The following GPSM2 variants were observed in gnomAD, a reference collection of about 807,000 sequenced individuals.
GPSM2 encodes the protein G protein-signaling modulator 2.
Under a neutral mutation model 78.4 loss-of-function variants are expected in GPSM2, and 58 were observed. The ratio of observed to expected loss-of-function variants is 0.74; its 90% CI spans 0.60 to 0.92. GPSM2 has a LOEUF of 0.92. GPSM2 is among the 40% of genes least tolerant of loss of function. GPSM2 has a pLI of 0.00. For missense variants in GPSM2, 700 were observed against 815.5 expected, an observed-to-expected ratio of 0.86 and a Z score of 1.73; for synonymous variants, 224 against 280.2, an observed-to-expected ratio of 0.80 and a Z score of 2.00.
At chr1:108,908,142 C>T (rs973118913) in intron 10 of GPSM2, among the ~76,000 whole-genome samples, 2 of 152,146 alleles carry the variant, frequency 1.3e-5, no homozygotes, top group Non-Finnish European at 2.9e-5. Flanking sequence ...GAGGCCAAGG[C>T]GAGCGGATCA....
Position 108,922,494 on chromosome 1 carries a change from T to C in GPSM2, c.1518T>C (p.Asp506=). Residue 506 remains aspartate (D), a synonymous_variant, in exon 13 of 15, where the codon GAT becomes GAC. Transcript: ENST00000264126. ...GATTTCAAAGCAATAGGATGGATGA[T>C]CAGAGATGTTGCTTACAAGAAAAGA... ...LSRFQSNRMD[D]QRCCLQEKNC... The C allele has an allele frequency of 6.2e-7, 1 of 1,612,058 alleles. No homozygotes were observed. Among genetic ancestry groups the C allele is most frequent in the Non-Finnish European group, 8.5e-7 (1 of 1,178,200 alleles).
At chr1:108,913,879 G>A (rs552385802) in intron 10 of GPSM2, among the ~76,000 whole-genome samples, 12 of 152,244 alleles carry the variant, frequency 7.9e-5, no homozygotes, top group African/African-American at 2.6e-4. Context: ...CATCTAATGA[G>A]ATCTTAAAAT....
chr1:108,897,029 T>C lies in GPSM2; in HGVS notation c.222T>C (p.Tyr74=), dbSNP rs767499792. Reference sequence around the variant, plus strand: ...GCCAGTTGGGCAATGCTTATTTCTATTTGCATGATTATGCCAAAGCATTAG... The same window carrying C: ...GCCAGTTGGGCAATGCTTATTTCTACTTGCATGATTATGCCAAAGCATTAG... ...IYSQLGNAYF[Y]LHDYAKALEY... The change falls in exon 3 of 15, where the codon TAT becomes TAC. Residue 74 remains tyrosine, a synonymous_variant. Transcript: ENST00000264126. 6.2e-7 allele frequency: 1 copy of C among 1,613,842 alleles called. No individual in the cohort carries two copies. Among genetic ancestry groups the C allele is most frequent in the South Asian group, 1.1e-5 (1 of 91,082 alleles).
chr1:108,880,977 G>C (rs1335312389), intron 1 of GPSM2, among the ~76,000 whole-genome samples: 1 of 152,182 alleles, frequency 6.6e-6, no homozygotes, highest in East Asian at 1.9e-4. Flanking sequence ...AGCAGGGCTA[G>C]GATTTCTTTG....
At chr1:108,928,827 TA>T (rs1286945538) in intron 14 of GPSM2, among the ~76,000 whole-genome samples, 6 of 151,826 alleles carry the variant, frequency 4.0e-5, no homozygotes, top group African/African-American at 1.5e-4. Flanking sequence ...CCATCTCTAC[TA>T]AAAATACAAA....
intron 10 of GPSM2, among the ~76,000 whole-genome samples, chr1:108,905,309 TTCGCTC>T (rs763004650): frequency 1.4e-4 from 21 of 152,244 alleles, no homozygotes; most frequent in Non-Finnish European, 2.9e-4. Context: ...TGTTCCTTTG[TTCGCTC>T]TTATAACAAA....
intron 1 of GPSM2, among the ~76,000 whole-genome samples, chr1:108,878,906 C>T (rs1000354006): frequency 6.6e-6 from 1 of 152,136 alleles, no homozygotes; most frequent in African/African-American, 2.4e-5. Context: ...AGTCACTGTG[C>T]CGAGATTCAA....
intron 10 of GPSM2, among the ~76,000 whole-genome samples, chr1:108,912,662 G>A (rs989717101): frequency 6.6e-6 from 1 of 151,778 alleles, no homozygotes; most frequent in African/African-American, 2.4e-5. Flanking sequence ...ATCGCTTTGA[G>A]CCCAAGAGGT....
chr1:108,924,294 G>C, intron 14 of GPSM2, 80 bp downstream of exon 14: 2 of 876,598 alleles, frequency 2.3e-6, no homozygotes, highest in Non-Finnish European at 3.8e-6. Context: ...TTCTCATTCA[G>C]GAAGGGCTTA....
chr1:108,918,597 A>G lies in GPSM2; in HGVS notation c.1264-16A>G. 6.2e-7 allele frequency: 1 copy of G among 1,604,624 alleles called. No individual in the cohort carries two copies. Among genetic ancestry groups the G allele is most frequent in the Non-Finnish European group, 8.5e-7 (1 of 1,171,484 alleles). ...GGGGGTGTTTATTCACCTGCCTTCC[A>G]TTTATAATTTTGTAGGTACAGAACT... On this transcript the variant is annotated splice_polypyrimidine_tract_variant and intron_variant, in intron 11 of 14. Transcript: ENST00000264126.
At chr1:108,885,661 G>C in intron 2 of GPSM2, 83 bp downstream of exon 2, 1 of 850,004 alleles carries the variant, frequency 1.2e-6, no homozygotes, top group South Asian at 1.4e-5. Context: ...TCAAGTTTCA[G>C]TTGAAAATAC....
In GPSM2 at chr1:108,918,590, G is replaced by C. The variant is rs760871172; in HGVS notation, c.1264-23G>C. 52 of 1,591,606 alleles carry C rather than the reference G, an allele frequency of 3.3e-5. No homozygotes were observed. In the South Asian group the frequency reaches 5.7e-4, roughly 18 times the overall value. ...GGGATTTGGGGGTGTTTATTCACCT[G>C]CCTTCCATTTATAATTTTGTAGGTA... is the stretch of plus-strand genomic sequence containing the variant. On this transcript the variant is annotated intron_variant, in intron 11 of 14. Transcript: ENST00000264126.
At chr1:108,877,305 C>CGTGCGT (rs985749642) in intron 1 of GPSM2, 77 bp downstream of exon 1, 1 of 152,132 alleles carries the variant, frequency 6.6e-6, no homozygotes, top group African/African-American at 2.4e-5. Flanking sequence ...GGTGCGTGTG[C>CGTGCGT]GTGCGTGTGG....
intron 7 of GPSM2, among the ~76,000 whole-genome samples, chr1:108,901,152 C>CAA (rs1648775962): frequency 6.6e-6 from 1 of 152,158 alleles, no homozygotes; most frequent in African/African-American, 2.4e-5. Context: ...AGTGACTTTG[C>CAA]CCTTAGCTTA....
At chr1:108,918,543 A>G in intron 11 of GPSM2, 70 bp from the exon 12 acceptor site, 1 of 1,140,686 alleles carries the variant, frequency 8.8e-7, no homozygotes, top group Admixed American at 1.7e-5. Flanking sequence ...GGTTAATATT[A>G]TGGGAAACCA....
At chr1:108,901,701 G>A in intron 7 of GPSM2, 89 bp from the exon 8 acceptor site, 1 of 947,574 alleles carries the variant, frequency 1.1e-6, no homozygotes, top group South Asian at 1.3e-5. Context: ...GCAGAAAGCA[G>A]CAGAGAGGAA....
At chr1:108,879,352 T>C (rs1182642854) in intron 1 of GPSM2, among the ~76,000 whole-genome samples, 1 of 152,180 alleles carries the variant, frequency 6.6e-6, no homozygotes, top group Admixed American at 6.6e-5. Context: ...TGCAAAGCAA[T>C]GTCGTTGGTG....
At chr1:108,882,465 G>C (rs1003756568) in intron 1 of GPSM2, 4 of 152,052 alleles carry the variant, frequency 2.6e-5, no homozygotes, top group African/African-American at 7.2e-5. Flanking sequence ...TTGTTATATG[G>C]TATTGTTTAG....
At position 108,931,405 on chromosome 1, in the gene GPSM2, A is replaced by G. The variant is rs9727038; in HGVS notation, c.*1465A>G. ...GGGACAGACTGGGACCTGGAGTAAC[A>G]CTGGATCACAGACTGCAAAGGCCCA... On this transcript the variant is annotated 3_prime_UTR_variant, in exon 15 of 15. Transcript: ENST00000264126. 34,167 of 1,551,104 alleles carry G rather than the reference A, an allele frequency of 0.022. 577 individuals are homozygous for G. The highest frequency in any genetic ancestry group is 0.023 in the Non-Finnish European group (26,678 of 1,147,106).
Sources: allele counts gnomAD v4.1 joint callset (sites outside exome capture counted in the v4.1 genomes callset), GRCh38; gene constraint gnomAD v4.1.1; transcripts MANE v1.5; gene names NCBI Gene and HGNC (gene_info 2026-07-23, HGNC 2026-07-21).